NOMO3: variants seen among roughly 807,000 people sequenced by gnomAD.
NOMO3 encodes the protein BOS complex subunit NOMO3.
Under a neutral mutation model 69.9 loss-of-function variants are expected in NOMO3, and 15 were observed. That is an observed-to-expected ratio of 0.21 (90% confidence interval 0.14 to 0.33). NOMO3 has a LOEUF of 0.33. Among genes scored for constraint, NOMO3 ranks in the 10% least tolerant of loss-of-function variants. NOMO3 has a pLI of 1.00. For missense variants in NOMO3, 218 were observed against 761.0 expected, an observed-to-expected ratio of 0.29 and a Z score of 8.39; for synonymous variants, 89 against 301.9, an observed-to-expected ratio of 0.29 and a Z score of 7.31.
In NOMO3 at chr16:16,233,502, G is replaced by GTTT. The variant is rs1300616875; in HGVS notation, c.165+689_165+691dup. Among the ~76,000 whole-genome samples, 828 of 92,736 alleles carry GTTT rather than the reference G, an allele frequency of 8.9e-3. 19 individuals are homozygous for GTTT. Among genetic ancestry groups the GTTT allele is most frequent in the African/African-American group, 0.015 (365 of 23,976 alleles). The allele number at this position is 92,736 out of a possible 152,430, so 60.8% of individuals were successfully genotyped here. ...ATTACCCTAGAGATTTGTGCTGAAG[G>GTTT]TTTTTTTTTTTTTTTTTTTTAATTA... On this transcript the variant is annotated intron_variant, in intron 1 of 30. Transcript: ENST00000399336.
chr16:16,255,686 A>G (rs747241103), intron 9 of NOMO3, 34 bp from the exon 10 acceptor site: 3 of 1,592,362 alleles, frequency 1.9e-6, no homozygotes, highest in Non-Finnish European at 2.5e-6. Context: ...GCACAGGAGC[A>G]CCTTCGAGCA....
At position 16,263,175 on chromosome 16, in the gene NOMO3, A is replaced by T; in HGVS notation, c.1497A>T (p.Val499=). The change falls in exon 13 of 31, where the codon GTA becomes GTT. Residue 499 remains valine (V), a synonymous_variant. Transcript: ENST00000399336. ...GGCCTGTGATGGATGTGGCCTTTGTACAGTTCTTGGCATCAGTTTCTGGGA... is the reference window on the plus strand; with the variant it reads ...GGCCTGTGATGGATGTGGCCTTTGTTCAGTTCTTGGCATCAGTTTCTGGGA... ...TDRPVMDVAF[V]QFLASVSGKV... is the part of the protein sequence containing the mutation. 1 of 1,592,448 alleles carries T rather than the reference A, an allele frequency of 6.3e-7. No homozygotes were observed. The highest frequency in any genetic ancestry group is 1.1e-5 in the South Asian group (1 of 89,384).
rs1254140804 is a variant in NOMO3 at position 16,232,653 on chromosome 16, G to A, written c.-14G>A. On this transcript the variant is annotated 5_prime_UTR_variant, in exon 1 of 31. Coordinates refer to ENST00000399336, the MANE Select transcript of NOMO3 (RefSeq NM_001004067.4). Reference sequence around the variant, plus strand: ...CGGCTGCCGGCGGTGGGTCTAGCTGGGGGAGGTCGGGCCATGCTGGTGGGC... The same window carrying A: ...CGGCTGCCGGCGGTGGGTCTAGCTGAGGGAGGTCGGGCCATGCTGGTGGGC... 1 of 644,954 alleles carries A rather than the reference G, an allele frequency of 1.6e-6. No individual in the cohort carries two copies. Among genetic ancestry groups the A allele is most frequent in the Non-Finnish European group, 2.2e-6 (1 of 463,026 alleles). 40.0% of individuals were successfully genotyped at this position (644,954 alleles called of 1,614,324 possible).
chr16:16,234,711 A>C (rs1163052883), intron 1 of NOMO3, among the ~76,000 whole-genome samples: 1 of 150,058 alleles, frequency 6.7e-6, no homozygotes, highest in Non-Finnish European at 1.5e-5. Flanking sequence ...CCCGGCACAT[A>C]CTGAAGCCTT....
At position 16,261,380 on chromosome 16, in the gene NOMO3, A is replaced by G. The variant is rs1427900038; in HGVS notation, c.1221-122A>G. The G allele has an allele frequency of 1.5e-5, 21 of 1,427,738 alleles. 1 individual carries two copies. Among genetic ancestry groups the G allele is most frequent in the East Asian group, 2.6e-5 (1 of 38,138 alleles). 88.4% of individuals were successfully genotyped at this position (1,427,738 alleles called of 1,614,324 possible). On this transcript the variant is annotated intron_variant, in intron 11 of 30. Transcript: ENST00000399336. ...CATCTGGATTGCATTCTGTCTCTTCATTAAGATTAGACTATTCTCAGGAAC... is the reference window on the plus strand; with the variant it reads ...CATCTGGATTGCATTCTGTCTCTTCGTTAAGATTAGACTATTCTCAGGAAC...
In NOMO3 at chr16:16,232,686, C is replaced by T. The variant is rs1206767303; in HGVS notation, c.20C>T (p.Ala7Val). 1.1e-5 allele frequency: 10 copies of T among 872,374 alleles called. No individual in the cohort carries two copies. In the Admixed American group the frequency reaches 4.4e-4, roughly 38 times the overall value. 54.0% of individuals were successfully genotyped at this position (872,374 alleles called of 1,614,324 possible). MLVGQG[A>V]GPLGPAVVTA... ...CGGGCCATGCTGGTGGGCCAGGGCGCGGGGCCGCTGGGGCCCGCGGTGGTC... is the reference window on the plus strand; with the variant it reads ...CGGGCCATGCTGGTGGGCCAGGGCGTGGGGCCGCTGGGGCCCGCGGTGGTC... Residue 7 changes from alanine (A) to valine (V), a missense_variant, in exon 1 of 31, where the codon GCG (alanine) becomes GTG (valine). Ala to Val is a moderately conservative substitution (Grantham distance 64). Coordinates refer to ENST00000399336, the MANE Select transcript of NOMO3 (RefSeq NM_001004067.4).
chr16:16,263,453 C>T lies in NOMO3; in HGVS notation c.1538-60C>T, dbSNP rs564152937. ...GAAGCTATTACATAGGGTTAGGATT[C>T]GAACCTGTGCTGAAGCCTTATAAGG... On this transcript the variant is annotated intron_variant, in intron 13 of 30. Coordinates refer to ENST00000399336, the MANE Select transcript of NOMO3 (RefSeq NM_001004067.4). 7.4e-5 allele frequency: 47 copies of T among 637,066 alleles called. 5 individuals carry two copies. In the East Asian group the frequency reaches 1.1e-3, roughly 14 times the overall value. The allele number at this position is 637,066 out of a possible 1,614,324, so 39.5% of individuals were successfully genotyped here.
chr16:16,270,150 C>T lies in NOMO3; in HGVS notation c.1924C>T (p.His642Tyr). ...GVYKVTPRSC[H>Y]RFEQAFYTYD... Reference sequence around the variant, plus strand: ...GTACAAAGTGACCCCTCGCTCCTGCCACCGGTTTGAGCAAGCGTTCTACAC... The same window carrying T: ...GTACAAAGTGACCCCTCGCTCCTGCTACCGGTTTGAGCAAGCGTTCTACAC... Residue 642 changes from histidine to tyrosine, a missense_variant, in exon 17 of 31, where the codon CAC (histidine) becomes TAC (tyrosine). By Grantham distance (83) the His-to-Tyr change is moderately conservative. Transcript: ENST00000399336. 6.4e-7 allele frequency: 1 copy of T among 1,554,988 alleles called. No homozygotes were observed. The highest frequency in any genetic ancestry group is 8.6e-7 in the Non-Finnish European group (1 of 1,164,716).
In NOMO3 at chr16:16,257,466, G is replaced by A. The variant is rs1285430716; in HGVS notation, c.1220+1308G>A. On this transcript the variant is annotated intron_variant, in intron 11 of 30. Transcript: ENST00000399336. The stretch of plus-strand genomic sequence containing the variant: ...AAAGAGAAGCCAGTTAGGTGATGAG[G>A]TTTCAGATTTGGCCACATTGGTCTG... Among the ~76,000 whole-genome samples, 2 of 124,526 alleles carry A rather than the reference G, an allele frequency of 1.6e-5. 1 individual carries two copies. The highest frequency in any genetic ancestry group is 7.2e-5 in the African/African-American group (2 of 27,796). 81.7% of individuals were successfully genotyped at this position (124,526 alleles called of 152,430 possible).
In NOMO3 at chr16:16,270,185, G is replaced by T. The variant is rs375871211; in HGVS notation, c.1958+1G>T. ...AGCAAGCGTTCTACACCTATGACACGTAAGCCTGGGAATTGAATGCTTTGT... is the reference window on the plus strand; with the variant it reads ...AGCAAGCGTTCTACACCTATGACACTTAAGCCTGGGAATTGAATGCTTTGT... On this transcript the variant is annotated splice_donor_variant, in intron 17 of 30. Coordinates refer to ENST00000399336, the MANE Select transcript of NOMO3 (RefSeq NM_001004067.4). LOFTEE classifies it high-confidence loss of function. 1.0e-4 allele frequency: 163 copies of T among 1,559,390 alleles called. 2 individuals are homozygous for T. Among genetic ancestry groups the T allele is most frequent in the Non-Finnish European group, 1.4e-4 (160 of 1,163,120 alleles).
rs1488998980 is a variant in NOMO3 at position 16,237,242 on chromosome 16, C to T, written c.255+252C>T. Among the ~76,000 whole-genome samples the T allele has an allele frequency of 2.1e-5, 3 of 144,566 alleles. 1 individual carries two copies. Among genetic ancestry groups the T allele is most frequent in the African/African-American group, 8.3e-5 (3 of 36,016 alleles). 94.8% of individuals were successfully genotyped at this position (144,566 alleles called of 152,430 possible). A position where few individuals can be genotyped will look rare whatever the true frequency, so the allele number is the denominator to read the frequency against. Reference sequence around the variant, plus strand: ...TTTTGTTGTGACATCTGTGGCTGTGCGCTACAGTCACCCAGTGAGTAGTGG... The same window carrying T: ...TTTTGTTGTGACATCTGTGGCTGTGTGCTACAGTCACCCAGTGAGTAGTGG... On this transcript the variant is annotated intron_variant, in intron 2 of 30. Coordinates refer to ENST00000399336, the MANE Select transcript of NOMO3 (RefSeq NM_001004067.4).
intron 6 of NOMO3, among the ~76,000 whole-genome samples, chr16:16,248,890 A>AT (rs971144780): frequency 3.3e-5 from 5 of 151,460 alleles, no homozygotes; most frequent in Non-Finnish European, 5.9e-5. Context: ...CTTGAATTGT[A>AT]TTTTTTTAAA....
intron 3 of NOMO3, among the ~76,000 whole-genome samples, chr16:16,241,524 A>G (rs2049373593): frequency 8.4e-6 from 1 of 119,536 alleles, no homozygotes; most frequent in African/African-American, 3.8e-5. Context: ...CTTGTGCCTC[A>G]GCCTCCTCAG....
intron 17 of NOMO3, 65 bp downstream of exon 17, chr16:16,270,249 T>C: frequency 6.3e-7 from 1 of 1,581,164 alleles, no homozygotes; most frequent in Non-Finnish European, 8.5e-7. Context: ...CTTCATTTAC[T>C]TCAGAGAACA....
In NOMO3 at chr16:16,255,600, A is replaced by C. The variant is rs923126797; in HGVS notation, c.964-120A>C. The C allele has an allele frequency of 2.7e-5, 18 of 656,590 alleles. 1 individual carries two copies. Among genetic ancestry groups the C allele is most frequent in the Non-Finnish European group, 4.1e-5 (15 of 368,240 alleles). The allele number at this position is 656,590 out of a possible 1,614,324, so 40.7% of individuals were successfully genotyped here. A position where few individuals can be genotyped will look rare whatever the true frequency, so the allele number is the denominator to read the frequency against. On this transcript the variant is annotated intron_variant, in intron 9 of 30. Coordinates refer to ENST00000399336, the MANE Select transcript of NOMO3 (RefSeq NM_001004067.4). ...GCTGGCACACAGGACCGGGGCACTGAGTGTTGGGAGGTGGGCGGCAGGAGC... is the reference window on the plus strand; with the variant it reads ...GCTGGCACACAGGACCGGGGCACTGCGTGTTGGGAGGTGGGCGGCAGGAGC...
intron 14 of NOMO3, among the ~76,000 whole-genome samples, chr16:16,264,832 G>C (rs1317520918): frequency 7.4e-6 from 1 of 135,936 alleles, no homozygotes; most frequent in Non-Finnish European, 1.5e-5. Flanking sequence ...ATAGGCATGA[G>C]CCACCACGCT....
intron 1 of NOMO3, among the ~76,000 whole-genome samples, chr16:16,235,059 C>T (rs2049316265): frequency 6.6e-6 from 1 of 151,748 alleles, no homozygotes; most frequent in Non-Finnish European, 1.5e-5. Context: ...ATCTCTTTGT[C>T]ACCTGTAGCA....
At chr16:16,269,013 C>T (rs1350233319) in intron 16 of NOMO3, among the ~76,000 whole-genome samples, 1 of 139,250 alleles carries the variant, frequency 7.2e-6, no homozygotes, top group Non-Finnish European at 1.5e-5. Flanking sequence ...TCAACATAAC[C>T]AGGGTTTGTT....
In NOMO3 at chr16:16,232,599, C is replaced by T. The variant is rs2049289769; in HGVS notation, c.-68C>T. 2.5e-6 allele frequency: 1 copy of T among 406,440 alleles called. No individual in the cohort carries two copies. Among genetic ancestry groups the T allele is most frequent in the Admixed American group, 4.6e-5 (1 of 21,784 alleles). 25.2% of individuals were successfully genotyped at this position (406,440 alleles called of 1,614,324 possible). A position where few individuals can be genotyped will look rare whatever the true frequency, so the allele number is the denominator to read the frequency against. ...AGCCGGCCTAGGAGGAGGAAGGAGC[C>T]TGCGGCGTGCAGTGTGAGGGGCGGG... On this transcript the variant is annotated 5_prime_UTR_variant, in exon 1 of 31. Transcript: ENST00000399336.
Sources: gnomAD v4.1 joint callset for allele counts (sites outside exome capture counted in the v4.1 genomes callset) on GRCh38, gnomAD v4.1.1 for gene constraint, MANE v1.5 for transcripts, NCBI Gene and HGNC (gene_info 2026-07-23, HGNC 2026-07-21) for gene names.